The following CTNNA3 variants were observed in gnomAD, a reference collection of about 807,000 sequenced individuals.
CTNNA3 encodes the protein catenin alpha-3.
In CTNNA3, 76 loss-of-function variants were observed where a neutral mutation model predicts 95.7. The observed-to-expected ratio is 0.79, with a 90% CI of 0.66 to 0.96. The LOEUF (loss-of-function observed/expected upper bound fraction) is 0.96, where lower values mean the gene tolerates loss of function less well. Ranked by LOEUF, CTNNA3 falls within the 40% of genes least tolerant of loss-of-function variation. CTNNA3 has a pLI of 0.00. For synonymous variants in CTNNA3, 431 were observed against 374.4 expected (o/e 1.15, Z -1.74); for missense variants, 1,191 against 1,089.8 (o/e 1.09, Z -1.31).
intron 13 of CTNNA3, among the ~76,000 whole-genome samples, chr10:66,141,481 A>G (rs6480142): frequency 0.13 from 19,227 of 152,098 alleles, 1,492 homozygotes; most frequent in East Asian, 0.22. Context: ...ACAGTTAAAC[A>G]ATTGTTAAAC....
chr10:67,727,318 T>G (rs1841240875), intron 1 of CTNNA3, among the ~76,000 whole-genome samples: 1 of 133,128 alleles, frequency 7.5e-6, no homozygotes, highest in Non-Finnish European at 1.6e-5. Context: ...ATATGATATA[T>G]TATATATTTA....
chr10:66,572,798 T>C (rs1842907965), intron 10 of CTNNA3, among the ~76,000 whole-genome samples: 1 of 152,214 alleles, frequency 6.6e-6, no homozygotes, highest in East Asian at 1.9e-4. Context: ...TGTTTCCTTC[T>C]GTGTGCTGTG....
chr10:67,699,736 A>G (rs10997785), upstream of CTNNA3, among the ~76,000 whole-genome samples: 45,439 of 152,064 alleles, frequency 0.3, 7,354 homozygotes, highest in East Asian at 0.52. Context: ...CTGAGGTACC[A>G]GGTTCATCTC....
At chr10:67,075,918 A>G (rs555457802) in intron 7 of CTNNA3, among the ~76,000 whole-genome samples, 39 of 152,380 alleles carry the variant, frequency 2.6e-4, no homozygotes, top group African/African-American at 8.4e-4. Flanking sequence ...AGAATCCAGA[A>G]GCACAGATGG....
chr10:67,673,241 C>G (rs1280235890), intron 1 of CTNNA3, among the ~76,000 whole-genome samples: 4 of 149,364 alleles, frequency 2.7e-5, no homozygotes, highest in African/African-American at 4.9e-5. Context: ...AGTTGCTTAT[C>G]AGCTTAAGGA....
intron 7 of CTNNA3, among the ~76,000 whole-genome samples, chr10:67,069,235 C>T (rs1856283895): frequency 6.6e-6 from 1 of 151,794 alleles, no homozygotes; most frequent in Non-Finnish European, 1.5e-5. Context: ...TCAAAGTATA[C>T]CCTTTTTTAA....
intron 7 of CTNNA3, chr10:67,012,278 G>A (rs1852384246): frequency 6.6e-6 from 1 of 152,038 alleles, no homozygotes; most frequent in Non-Finnish European, 1.5e-5. Context: ...TCATTTCATG[G>A]GTAGAGAACT....
intron 5 of CTNNA3, among the ~76,000 whole-genome samples, chr10:67,491,210 C>T (rs979939465): frequency 6.6e-6 from 1 of 152,108 alleles, no homozygotes; most frequent in Admixed American, 6.5e-5. Context: ...AAATTACAGA[C>T]AGATATAGAT....
chr10:67,276,185 T>C (rs1839176101), intron 5 of CTNNA3, among the ~76,000 whole-genome samples: 1 of 152,124 alleles, frequency 6.6e-6, no homozygotes, highest in African/African-American at 2.4e-5. Flanking sequence ...TTTTAATGGA[T>C]TATGGAAGAA....
chr10:66,084,749 T>A (rs1340675661), intron 14 of CTNNA3: 1 of 152,158 alleles, frequency 6.6e-6, no homozygotes, highest in Non-Finnish European at 1.5e-5. Flanking sequence ...GACACAATAA[T>A]CAAAAAATAA....
chr10:67,084,144 T>C (rs1179513336), intron 7 of CTNNA3, among the ~76,000 whole-genome samples: 3 of 152,222 alleles, frequency 2.0e-5, no homozygotes, highest in Non-Finnish European at 4.4e-5. Flanking sequence ...AATTCACTTA[T>C]CACTTTTAAC....
chr10:66,631,282 G>A (rs895501645), intron 9 of CTNNA3, among the ~76,000 whole-genome samples: 17 of 152,046 alleles, frequency 1.1e-4, no homozygotes, highest in African/African-American at 3.9e-4. Flanking sequence ...TTGTTTTACT[G>A]CTTATGTAAC....
chr10:66,545,630 A>G (rs1842012480), intron 10 of CTNNA3, among the ~76,000 whole-genome samples: 2 of 152,194 alleles, frequency 1.3e-5, no homozygotes, highest in South Asian at 2.1e-4. Flanking sequence ...TAAGGTGTCC[A>G]TACTGATGTA....
chr10:66,031,767 T>C (rs180828518), intron 15 of CTNNA3, among the ~76,000 whole-genome samples: 31 of 152,034 alleles, frequency 2.0e-4, no homozygotes, highest in Non-Finnish European at 4.0e-4. Flanking sequence ...AGAGTAAAAA[T>C]CAAGGTACAC....
At position 66,946,191 on chromosome 10, in the gene CTNNA3, C is replaced by T. The variant is rs73331642; in HGVS notation, c.1048-170667G>A. Among the ~76,000 whole-genome samples, 1,138 of 152,098 alleles carry T rather than the reference C, an allele frequency of 7.5e-3. 16 individuals are homozygous for T. The highest frequency in any genetic ancestry group is 0.026 in the African/African-American group (1,086 of 41,506). On this transcript the variant is annotated intron_variant, in intron 7 of 17. Transcript: ENST00000433211. ...TGCAGTACAATAAAATGAGGTGTGCCTGCACTCTGTTGGATAATTAATTCT... is the reference window on the plus strand; with the variant it reads ...TGCAGTACAATAAAATGAGGTGTGCTTGCACTCTGTTGGATAATTAATTCT...
At chr10:67,583,890 G>T (rs1219382000) in intron 3 of CTNNA3, among the ~76,000 whole-genome samples, 3 of 152,096 alleles carry the variant, frequency 2.0e-5, no homozygotes, top group African/African-American at 4.8e-5. Flanking sequence ...TAGTTCTCGT[G>T]CCATGGTTTT....
chr10:66,515,646 G>A (rs1014760635), intron 11 of CTNNA3, among the ~76,000 whole-genome samples: 3 of 152,060 alleles, frequency 2.0e-5, no homozygotes, highest in Non-Finnish European at 4.4e-5. Flanking sequence ...CACATGGCTA[G>A]GGAGGCCTCA....
chr10:66,897,030 A>T (rs4745920), intron 7 of CTNNA3, among the ~76,000 whole-genome samples: 60,423 of 152,010 alleles, frequency 0.4, 12,315 homozygotes, highest in Non-Finnish European at 0.44. Flanking sequence ...ATCCAAGAAC[A>T]TCACCCCTAC....
At chr10:66,767,141 CGA>C (rs975384879) in intron 8 of CTNNA3, among the ~76,000 whole-genome samples, 8 of 152,148 alleles carry the variant, frequency 5.3e-5, no homozygotes, top group Admixed American at 2.6e-4. Flanking sequence ...TATATAATAT[CGA>C]GTCTTTAAAG....
Sources: allele counts gnomAD v4.1 joint callset (sites outside exome capture counted in the v4.1 genomes callset), GRCh38; gene constraint gnomAD v4.1.1; transcripts MANE v1.5; gene names NCBI Gene and HGNC (gene_info 2026-07-23, HGNC 2026-07-21).